The following IMMT variants were observed in gnomAD, a reference collection of about 807,000 sequenced individuals.
IMMT encodes the protein inner membrane mitochondrial protein.
Under a neutral mutation model 92.7 loss-of-function variants are expected in IMMT, and 40 were observed. The observed-to-expected ratio is 0.43, with a 90% CI of 0.34 to 0.56. IMMT has a LOEUF of 0.56. Ranked by LOEUF, IMMT falls within the 20% of genes least tolerant of loss-of-function variation. The pLI, the probability that IMMT is intolerant of heterozygous loss-of-function variation, is 0.03. For synonymous variants in IMMT, 322 were observed against 336.1 expected, an observed-to-expected ratio of 0.96 and a Z score of 0.46; for missense variants, 831 against 912.1, an observed-to-expected ratio of 0.91 and a Z score of 1.14.
chr2:86,162,620 C>T (rs1424864461), intron 7 of IMMT, among the ~76,000 whole-genome samples: 2 of 151,782 alleles, frequency 1.3e-5, no homozygotes, highest in East Asian at 1.9e-4. Flanking sequence ...CTGAGACCAG[C>T]GGATCACGAG....
chr2:86,179,941 AG>A (rs1363645511), intron 2 of IMMT, among the ~76,000 whole-genome samples: 3 of 152,016 alleles, frequency 2.0e-5, no homozygotes, highest in Admixed American at 6.5e-5. Flanking sequence ...AAAATTAGCC[AG>A]GTGTAGTAGC....
intron 1 of IMMT, among the ~76,000 whole-genome samples, chr2:86,183,052 C>A (rs924301933): frequency 2.0e-5 from 3 of 152,094 alleles, no homozygotes; most frequent in African/African-American, 7.2e-5. Flanking sequence ...TATATGTCAA[C>A]AATTCCATTT....
Position 86,153,561 on chromosome 2 carries a change from TA to T in IMMT, c.1175del (p.Leu392Ter). ...ACATGAAATATACATAACACTCACCTAAGTCTGAAACACCTACAAAGGAAAA... is the reference window on the plus strand; with the variant it reads ...ACATGAAATATACATAACACTCACCTAGTCTGAAACACCTACAAAGGAAAA... ...PGWKGMSVSD[L>X]ADKLSTDDLN... On this transcript the variant is annotated frameshift_variant and splice_region_variant, in exon 11 of 15. Transcript: ENST00000410111. LOFTEE classifies it high-confidence loss of function. 1 of 1,479,522 alleles carries T rather than the reference TA, an allele frequency of 6.8e-7. No individual in the cohort carries two copies. The highest frequency in any genetic ancestry group is 9.1e-7 in the Non-Finnish European group (1 of 1,095,458). 91.6% of individuals were successfully genotyped at this position (1,479,522 alleles called of 1,614,324 possible).
chr2:86,185,521 G>C (rs1261175622), intron 1 of IMMT, among the ~76,000 whole-genome samples: 1 of 152,128 alleles, frequency 6.6e-6, no homozygotes, highest in East Asian at 1.9e-4. Context: ...TCATAAGGAT[G>C]TGTTTCCCAG....
chr2:86,162,567 C>T (rs1237983010), intron 7 of IMMT, among the ~76,000 whole-genome samples: 3 of 151,672 alleles, frequency 2.0e-5, no homozygotes, highest in Admixed American at 6.6e-5. Context: ...AAGTTTTGGC[C>T]GGGCGCAGTG....
chr2:86,150,866 A>G (rs1313637394), intron 12 of IMMT, among the ~76,000 whole-genome samples: 1 of 152,086 alleles, frequency 6.6e-6, no homozygotes, highest in East Asian at 1.9e-4. Context: ...GCTCCATTCT[A>G]AAGGTCAGCT....
At chr2:86,168,070 A>G (rs1481042019) in intron 6 of IMMT, among the ~76,000 whole-genome samples, 1 of 152,214 alleles carries the variant, frequency 6.6e-6, no homozygotes, top group Admixed American at 6.5e-5. Context: ...GACAAGAGAA[A>G]GAAAAAGACA....
rs1674866209 is a variant in IMMT, at chr2:86,144,772, C to T, written c.1773G>A (p.Pro591=). The change falls in exon 15 of 15, where the codon CCG becomes CCA. Residue 591 remains proline (P), a synonymous_variant. Transcript: ENST00000410111. ...KTSSAETPTI[P]LGSAVEAIKA... ...TGATGGCCTCAACTGCACTACCCAG[C>T]GGGATAGTAGGTGTTTCTGCAGATG... 4 of 1,613,594 alleles carry T rather than the reference C, an allele frequency of 2.5e-6. No homozygotes were observed. The highest frequency in any genetic ancestry group is 1.1e-5 in the South Asian group (1 of 91,066).
At chr2:86,171,827 A>G (rs1389927586) in intron 4 of IMMT, among the ~76,000 whole-genome samples, 4 of 150,162 alleles carry the variant, frequency 2.7e-5, no homozygotes, top group Non-Finnish European at 5.9e-5. Context: ...AGTGATCAAG[A>G]ACAGAACTGA....
At chr2:86,163,992 A>G (rs1016965763) in intron 7 of IMMT, among the ~76,000 whole-genome samples, 10 of 146,276 alleles carry the variant, frequency 6.8e-5, no homozygotes, top group Admixed American at 1.4e-4. Context: ...AAAATTTTGC[A>G]AAGTATATCT....
chr2:86,165,566 G>A (rs1293640212), intron 7 of IMMT, among the ~76,000 whole-genome samples: 1 of 152,114 alleles, frequency 6.6e-6, no homozygotes, highest in African/African-American at 2.4e-5. Context: ...TACTGACCAT[G>A]TATGATCCTG....
At chr2:86,178,310 T>C (rs1184270348) in intron 3 of IMMT, among the ~76,000 whole-genome samples, 7 of 87,212 alleles carry the variant, frequency 8.0e-5, no homozygotes, top group Non-Finnish European at 1.1e-4. Context: ...ACAGCAAGAC[T>C]CCATCTCAAA....
At chr2:86,183,001 G>A (rs1211241560) in intron 1 of IMMT, among the ~76,000 whole-genome samples, 1 of 152,020 alleles carries the variant, frequency 6.6e-6, no homozygotes, top group African/African-American at 2.4e-5. Flanking sequence ...CTTCTATTCT[G>A]TAAAGTAGTA....
At chr2:86,192,544 ATTG>A (rs1371969275) in intron 1 of IMMT, among the ~76,000 whole-genome samples, 3 of 152,340 alleles carry the variant, frequency 2.0e-5, no homozygotes, top group African/African-American at 7.2e-5. Context: ...GCCAGGGACT[ATTG>A]TTAATACTGG....
intron 11 of IMMT, among the ~76,000 whole-genome samples, chr2:86,152,815 G>A (rs1399699025): frequency 6.6e-6 from 1 of 151,826 alleles, no homozygotes; most frequent in Non-Finnish European, 1.5e-5. Context: ...AAGATGAAGT[G>A]AAGAATTATG....
At chr2:86,153,438 ATAATTC>A (rs1353488819) in intron 11 of IMMT, 116 bp downstream of exon 11, 2 of 540,328 alleles carry the variant, frequency 3.7e-6, no homozygotes, top group Non-Finnish European at 6.5e-6. Flanking sequence ...ATCATGTGAC[ATAATTC>A]TACTTTATAT....
At chr2:86,162,338 G>GTTTTTTTTTTTTTTTTTTTTTT (rs1346343442) in intron 7 of IMMT, among the ~76,000 whole-genome samples, 15 of 113,704 alleles carry the variant, frequency 1.3e-4, no homozygotes, top group African/African-American at 4.1e-4. Context: ...TCTAAGGAGA[G>GTTTTTTTTTTTTTTTTTTTTTT]TTGTTTTTTT....
In IMMT at chr2:86,161,977, T is replaced by C. The variant is rs1428485359; in HGVS notation, c.895A>G (p.Lys299Glu). 1 of 1,585,734 alleles carries C rather than the reference T, an allele frequency of 6.3e-7. No individual in the cohort carries two copies. Among genetic ancestry groups the C allele is most frequent in the South Asian group, 1.1e-5 (1 of 87,080 alleles). ...TTGTTAAAGTCCATGAGTAATTACT[T>C]GGCTTTGAGAAGGGCATCGGCAGCT... is the stretch of plus-strand genomic sequence containing the variant. ...DEAADALLKA[K>E]EELEKMKSVI... is the part of the protein sequence containing the mutation. The change falls in exon 8 of 15, where the codon AAA (lysine) becomes GAA (glutamate). Residue 299 changes from lysine to glutamate, a missense_variant and splice_region_variant. Lys to Glu is a moderately conservative substitution (Grantham distance 56). Coordinates refer to ENST00000410111, the MANE Select transcript of IMMT (RefSeq NM_006839.3).
intron 9 of IMMT, chr2:86,159,241 A>T (rs1034221276): frequency 7.6e-6 from 3 of 394,092 alleles, no homozygotes; most frequent in African/African-American, 6.2e-5. Context: ...GCACACCACC[A>T]CATCCACTTA....
Sources: gnomAD v4.1 joint callset for allele counts (sites outside exome capture counted in the v4.1 genomes callset) on GRCh38, gnomAD v4.1.1 for gene constraint, MANE v1.5 for transcripts, NCBI Gene and HGNC (gene_info 2026-07-23, HGNC 2026-07-21) for gene names.